TRAF5: variants seen among roughly 807,000 people sequenced by gnomAD.
TRAF5 encodes TNF receptor associated factor 5.
Under a neutral mutation model 64.5 loss-of-function variants are expected in TRAF5, and 48 were observed. The observed-to-expected ratio is 0.74, with a 90% confidence interval of 0.59 to 0.95. TRAF5 has a LOEUF of 0.95. Among genes scored for constraint, TRAF5 ranks in the 40% least tolerant of loss-of-function variants. The pLI is 0.00. For synonymous variants in TRAF5, 206 were observed against 240.5 expected (o/e 0.86, Z 1.33); for missense variants, 545 against 662.8 (o/e 0.82, Z 1.95).
At chr1:211,327,379 G>A (rs1483733639) in intron 1 of TRAF5, among the ~76,000 whole-genome samples, 1 of 152,214 alleles carries the variant, frequency 6.6e-6, no homozygotes, top group Admixed American at 6.5e-5. Context: ...AGCAACTCCA[G>A]AATGAAACTT....
At chr1:211,354,608 C>G in intron 3 of TRAF5, 141 bp downstream of exon 3, 2 of 813,894 alleles carry the variant, frequency 2.5e-6, no homozygotes, top group Non-Finnish European at 3.9e-6. Context: ...GGGGTCACAT[C>G]AGACCCTACT....
At chr1:211,359,225 G>C (rs748695681) in intron 4 of TRAF5, 1 of 152,092 alleles carries the variant, frequency 6.6e-6, no homozygotes, top group Non-Finnish European at 1.5e-5. Flanking sequence ...CAAATTTCTG[G>C]GATTACAAGC....
intron 1 of TRAF5, among the ~76,000 whole-genome samples, chr1:211,330,994 G>T (rs1431700408): frequency 6.6e-6 from 1 of 152,178 alleles, no homozygotes; most frequent in Non-Finnish European, 1.5e-5. Context: ...GCAATATTCA[G>T]AATCTTCACC....
chr1:211,365,502 C>T (rs759028033), intron 8 of TRAF5, 34 bp downstream of exon 8: 6 of 1,551,492 alleles, frequency 3.9e-6, no homozygotes, highest in South Asian at 2.3e-5. Context: ...AAAAGTGAGG[C>T]AACAGAATTG....
chr1:211,357,439 T>A (rs1703003011), intron 4 of TRAF5: 1 of 152,242 alleles, frequency 6.6e-6, no homozygotes, highest in Non-Finnish European at 1.5e-5. Flanking sequence ...AGCAAGGCCT[T>A]TTTTCCAACT....
chr1:211,343,018 G>A lies in TRAF5; in HGVS notation c.-1-10221G>A, dbSNP rs568598410. Among the ~76,000 whole-genome samples, 7 of 152,238 alleles carry A rather than the reference G, an allele frequency of 4.6e-5. No individual in the cohort carries two copies. The South Asian group carries it at 1.5e-3, about 32-fold the overall frequency. On this transcript the variant is annotated intron_variant, in intron 1 of 10. Transcript: ENST00000261464. ...TGAATATATACCTAGCAGTGGGATTGCTGGATCATATGTAGTTCTGTGTTT... is the reference window on the plus strand; with the variant it reads ...TGAATATATACCTAGCAGTGGGATTACTGGATCATATGTAGTTCTGTGTTT...
At chr1:211,340,290 G>A (rs1702412438) in intron 1 of TRAF5, among the ~76,000 whole-genome samples, 2 of 152,088 alleles carry the variant, frequency 1.3e-5, no homozygotes, top group Non-Finnish European at 2.9e-5. Flanking sequence ...ACTTGTTTTT[G>A]TTTTTGTTTT....
chr1:211,363,666 CTGCAAAAAGAATAGGGTTTACCTTTCTTG>C (rs1703256449), intron 7 of TRAF5, among the ~76,000 whole-genome samples: 1 of 152,098 alleles, frequency 6.6e-6, no homozygotes, highest in Non-Finnish European at 1.5e-5. Context: ...GTTGTCTTGG[CTGCAAAAAGAATAGGGTTTACCTTTCTTG>C]TGCATGAGCA....
intron 7 of TRAF5, among the ~76,000 whole-genome samples, chr1:211,361,894 A>G (rs1703197992): frequency 6.6e-6 from 1 of 151,696 alleles, no homozygotes; most frequent in South Asian, 2.1e-4. Context: ...ACAGGGTTTC[A>G]CCATGTTGGC....
upstream of TRAF5, chr1:211,326,805 C>T: frequency 4.1e-6 from 4 of 984,136 alleles, no homozygotes; most frequent in African/African-American, 5.3e-5. This position sits in a 1 kb window ranked among gnomAD's most constrained non-coding sequence, Gnocchi z 5.0. Flanking sequence ...GCCTCGCCTC[C>T]GCTTCGCCGC....
chr1:211,327,313 G>A (rs990542153), intron 1 of TRAF5, among the ~76,000 whole-genome samples: 3 of 152,200 alleles, frequency 2.0e-5, no homozygotes, highest in African/African-American at 7.2e-5. Flanking sequence ...ACCAGGCCCT[G>A]GCCCCCTTCC....
chr1:211,354,092 C>T (rs955525594), intron 2 of TRAF5, among the ~76,000 whole-genome samples: 2 of 152,258 alleles, frequency 1.3e-5, no homozygotes, highest in African/African-American at 4.8e-5. Flanking sequence ...GACCCCATGT[C>T]TGCCCTCTAG....
At chr1:211,329,520 A>G (rs998567722) in intron 1 of TRAF5, among the ~76,000 whole-genome samples, 1 of 152,212 alleles carries the variant, frequency 6.6e-6, no homozygotes, top group African/African-American at 2.4e-5. Context: ...AAGACCTCAC[A>G]GCATGTAGGG....
chr1:211,355,271 G>C (rs1702924004), intron 3 of TRAF5, among the ~76,000 whole-genome samples: 1 of 152,024 alleles, frequency 6.6e-6, no homozygotes, highest in African/African-American at 2.4e-5. Flanking sequence ...TCTGTGGGTT[G>C]TCTTTTCCCT....
intron 6 of TRAF5, 93 bp downstream of exon 6, chr1:211,360,872 G>C (rs1461976682): frequency 4.1e-6 from 5 of 1,226,270 alleles, no homozygotes; most frequent in Non-Finnish European, 5.9e-6. Flanking sequence ...AAAGATAAGG[G>C]CCCAGGGCTT....
chr1:211,370,765 A>G (rs925133339), intron 9 of TRAF5, among the ~76,000 whole-genome samples: 1 of 152,204 alleles, frequency 6.6e-6, no homozygotes, highest in Non-Finnish European at 1.5e-5. Flanking sequence ...GCCATACCTT[A>G]TATTGTACAC....
At chr1:211,326,691 C>G, upstream of TRAF5, 1 of 986,180 alleles carries the variant, frequency 1.0e-6, no homozygotes, top group South Asian at 4.5e-5. This position sits in a 1 kb window ranked among gnomAD's most constrained non-coding sequence, Gnocchi z 5.0. Context: ...AGCTTTCCAA[C>G]CGCCTGGATG....
chr1:211,353,873 C>G (rs920278408), intron 2 of TRAF5, among the ~76,000 whole-genome samples: 2 of 152,170 alleles, frequency 1.3e-5, no homozygotes, highest in African/African-American at 4.8e-5. Flanking sequence ...AGCTGTAAGA[C>G]CTGGGTCATA....
At chr1:211,358,086 CA>C (rs1473277694) in intron 4 of TRAF5, 2 of 152,204 alleles carry the variant, frequency 1.3e-5, no homozygotes, top group African/African-American at 4.8e-5. Context: ...AAAGGACCCT[CA>C]GGGGGACAAG....
Sources: gnomAD v4.1 joint callset for allele counts (sites outside exome capture counted in the v4.1 genomes callset) on GRCh38, gnomAD v4.1.1 for gene constraint, Gnocchi (gnomAD v3.1) non-coding constraint, MANE v1.5 for transcripts, NCBI Gene and HGNC (gene_info 2026-07-23, HGNC 2026-07-21) for gene names.